NEXN: variants seen among roughly 807,000 people sequenced by gnomAD.
NEXN encodes nexilin.
In NEXN, 65 loss-of-function variants were observed where a neutral mutation model predicts 92.6. The observed-to-expected ratio is 0.70, with a 90% CI of 0.57 to 0.86. NEXN has a LOEUF of 0.86. NEXN is among the 40% of genes least tolerant of loss of function. The pLI is 0.00. For synonymous variants in NEXN, 254 were observed against 242.5 expected (o/e 1.05, Z -0.44); for missense variants, 778 against 771.1 (o/e 1.01, Z -0.11).
chr1:77,941,688 T>A (rs1438926103), intron 11 of NEXN: 1 of 329,452 alleles, frequency 3.0e-6, no homozygotes, highest in Non-Finnish European at 5.8e-6. Context: ...GGGAGTACTT[T>A]TAACAATTAT....
intron 1 of NEXN, among the ~76,000 whole-genome samples, chr1:77,908,086 T>A (rs1203500367): frequency 6.6e-6 from 1 of 150,754 alleles, no homozygotes; most frequent in Non-Finnish European, 1.5e-5. Flanking sequence ...CCTGTCTCTA[T>A]TTTTTTTTAA....
chr1:77,918,520 G>T (rs564391011), intron 5 of NEXN, among the ~76,000 whole-genome samples: 1 of 152,134 alleles, frequency 6.6e-6, no homozygotes, highest in East Asian at 1.9e-4. Context: ...ACAAAAATTA[G>T]CTGGGCATGG....
intron 11 of NEXN, among the ~76,000 whole-genome samples, chr1:77,940,933 T>C (rs185647943): frequency 1.8e-3 from 274 of 152,334 alleles, no homozygotes; most frequent in African/African-American, 6.3e-3. Flanking sequence ...TGATGTCCCA[T>C]GATTTTCCAA....
At chr1:77,912,680 A>G (rs1425378917) in intron 1 of NEXN, among the ~76,000 whole-genome samples, 8 of 152,260 alleles carry the variant, frequency 5.3e-5, no homozygotes, top group Non-Finnish European at 1.2e-4. Context: ...ACAAAGGAGC[A>G]AAGGCAATAA....
Position 77,917,640 on chromosome 1 carries a change from G to A in NEXN, c.102G>A (p.Lys34=). 6.2e-7 allele frequency: 1 copy of A among 1,613,564 alleles called. No homozygotes were observed. Among genetic ancestry groups the A allele is most frequent in the Admixed American group, 1.7e-5 (1 of 59,996 alleles). Residue 34 remains lysine (K), a synonymous_variant, in exon 3 of 13, where the codon AAG becomes AAA. Transcript: ENST00000334785. ...PKLGKGDVKD[K]FEAMQRAREE... is the part of the protein sequence containing the mutation. ...TTGGCAAGGGTGATGTAAAGGATAA[G>A]TTTGAAGCCATGCAGAGAGCCAGGG...
At chr1:77,937,023 A>G (rs1034992150) in intron 11 of NEXN, among the ~76,000 whole-genome samples, 1 of 152,128 alleles carries the variant, frequency 6.6e-6, no homozygotes, top group Non-Finnish European at 1.5e-5. Flanking sequence ...TAAAACATGG[A>G]TATTGTCTGG....
intron 10 of NEXN, among the ~76,000 whole-genome samples, chr1:77,934,474 G>C (rs1199945577): frequency 1.3e-5 from 2 of 152,164 alleles, no homozygotes; most frequent in Non-Finnish European, 2.9e-5. Flanking sequence ...TTTTACCTTT[G>C]AATTTGTGTG....
intron 11 of NEXN, among the ~76,000 whole-genome samples, chr1:77,938,523 T>G (rs139439796): frequency 0.028 from 4,187 of 149,350 alleles, 113 homozygotes; most frequent in Non-Finnish European, 0.038. Flanking sequence ...GTGGCACGGG[T>G]CTATAGTCCC....
At chr1:77,939,941 GCAGA>G (rs1428325021) in intron 11 of NEXN, among the ~76,000 whole-genome samples, 1 of 152,160 alleles carries the variant, frequency 6.6e-6, no homozygotes, top group Non-Finnish European at 1.5e-5. Context: ...GGGCGTGGTG[GCAGA>G]CGCCTATAAT....
intron 11 of NEXN, among the ~76,000 whole-genome samples, chr1:77,939,607 T>C (rs772086291): frequency 9.2e-5 from 14 of 152,108 alleles, no homozygotes; most frequent in Non-Finnish European, 2.1e-4. Flanking sequence ...ATAAGATAGG[T>C]GACTTCTTGT....
intron 10 of NEXN, 64 bp downstream of exon 10, chr1:77,933,543 C>A: frequency 1.7e-6 from 2 of 1,150,050 alleles, no homozygotes; most frequent in Non-Finnish European, 2.6e-6. Context: ...ACTTATATCA[C>A]CTTATAATAA....
At chr1:77,906,652 T>C (rs1251569701) in intron 1 of NEXN, among the ~76,000 whole-genome samples, 3 of 152,168 alleles carry the variant, frequency 2.0e-5, no homozygotes, top group African/African-American at 7.2e-5. Context: ...AGTTGTTTTT[T>C]GTTTGTTTGG....
At chr1:77,910,866 C>G (rs946163563) in intron 1 of NEXN, among the ~76,000 whole-genome samples, 2 of 151,498 alleles carry the variant, frequency 1.3e-5, no homozygotes. Context: ...GAAATAGGGA[C>G]TCACTCTGTC....
At position 77,942,888 on chromosome 1, in the gene NEXN, T is replaced by C. The variant is rs1175700897; in HGVS notation, c.*59T>C. ...TTTTCCTTAAAATCACTTTTCTTCT[T>C]CTCTTTTTTAGCTGATGACTACTAG... On this transcript the variant is annotated 3_prime_UTR_variant, in exon 13 of 13. Transcript: ENST00000334785. 1.3e-6 allele frequency: 2 copies of C among 1,527,670 alleles called. No homozygotes were observed. Among genetic ancestry groups the C allele is most frequent in the African/African-American group, 2.8e-5 (2 of 72,372 alleles). 94.6% of individuals were successfully genotyped at this position (1,527,670 alleles called of 1,614,324 possible). A position where few individuals can be genotyped will look rare whatever the true frequency, so the allele number is the denominator to read the frequency against.
chr1:77,892,348 C>G (rs762985127), intron 1 of NEXN, among the ~76,000 whole-genome samples: 59 of 151,860 alleles, frequency 3.9e-4, no homozygotes, highest in Non-Finnish European at 7.7e-4. Context: ...CAAAGGTTAA[C>G]ATTTTTGCAC....
chr1:77,915,882 G>A (rs1648936010), intron 1 of NEXN, among the ~76,000 whole-genome samples, 173 bp from the exon 2 acceptor site: 1 of 151,872 alleles, frequency 6.6e-6, no homozygotes, highest in African/African-American at 2.4e-5. Flanking sequence ...TGCACCTTAT[G>A]TTTTCTATAC....
At chr1:77,916,513 C>A (rs1235623323) in intron 2 of NEXN, among the ~76,000 whole-genome samples, 2 of 151,906 alleles carry the variant, frequency 1.3e-5, no homozygotes, top group East Asian at 1.9e-4. Context: ...GGTAAGGAAC[C>A]TTTTTAGTGC....
At chr1:77,895,029 A>ATTTTT (rs559226754) in intron 1 of NEXN, among the ~76,000 whole-genome samples, 45 of 61,650 alleles carry the variant, frequency 7.3e-4, no homozygotes, top group African/African-American at 8.9e-4. Flanking sequence ...CTATAGTGTA[A>ATTTTT]TTTTTTTTTT....
rs1649066114 is a variant in NEXN, at chr1:77,917,493, T to C, written c.28-73T>C. ...AATAAATATTTTTTATATTGCTTAT[T>C]CTTATCTATCTTTACCTAATTTCTT... On this transcript the variant is annotated intron_variant, in intron 2 of 12. Transcript: ENST00000334785. The C allele has an allele frequency of 3.0e-5, 32 of 1,073,622 alleles. 1 individual carries two copies. In the South Asian group the frequency reaches 4.4e-4, roughly 15 times the overall value. 66.5% of individuals were successfully genotyped at this position (1,073,622 alleles called of 1,614,324 possible). A position where few individuals can be genotyped will look rare whatever the true frequency, so the allele number is the denominator to read the frequency against.
Sources: allele counts gnomAD v4.1 joint callset (sites outside exome capture counted in the v4.1 genomes callset), GRCh38; gene constraint gnomAD v4.1.1; transcripts MANE v1.5; gene names NCBI Gene and HGNC (gene_info 2026-07-23, HGNC 2026-07-21).